DGKQ: variants seen among roughly 807,000 people sequenced by gnomAD.
The protein encoded by DGKQ is diacylglycerol kinase theta, also known as DAG kinase theta.
A neutral mutation model predicts 104.2 loss-of-function variants in DGKQ; 97 were observed. The ratio of observed to expected loss-of-function variants is 0.93; its 90% CI spans 0.79 to 1.10. The LOEUF is 1.10. Among genes scored for constraint, DGKQ ranks in the 50% least tolerant of loss-of-function variants. DGKQ has a pLI of 0.00. For missense variants in DGKQ, 1,465 were observed against 1,352.1 expected (o/e 1.08, Z -1.31); for synonymous variants, 736 against 595.2 (o/e 1.24, Z -3.44).
chr4:961,334 G>A lies in DGKQ; in HGVS notation c.2574+133C>T, dbSNP rs186734171. On this transcript the variant is annotated intron_variant, in intron 21 of 22. Transcript: ENST00000273814. ...CTGGACCTGGCCCTGGGGCGGGAGA[G>A]GCCAGCCGGGCTCAGCGGGGACCGG... 4.9e-3 allele frequency: 6,231 copies of A among 1,269,224 alleles called. 276 individuals are homozygous for A. In the African/African-American group the frequency reaches 0.089, roughly 18 times the overall value. 78.6% of individuals were successfully genotyped at this position (1,269,224 alleles called of 1,614,324 possible). A position where few individuals can be genotyped will look rare whatever the true frequency, so the allele number is the denominator to read the frequency against.
At position 966,492 on chromosome 4, in the gene DGKQ, G is replaced by A. The variant is rs1278381480; in HGVS notation, c.1402C>T (p.Leu468=). ...TGCCGGATGTCCTGTAGCCGGTCCA[G>A]CAGGGGCTGTTCGTCCATCAGCATC... ...RTMLMDEQPL[L]DRLQDIRQMS... Residue 468 remains leucine, a synonymous_variant, in exon 12 of 23, where the codon CTG becomes TTG. Transcript: ENST00000273814. The A allele has an allele frequency of 1.4e-5, 23 of 1,612,596 alleles. No homozygotes were observed. Among genetic ancestry groups the A allele is most frequent in the Non-Finnish European group, 1.9e-5 (22 of 1,179,732 alleles).
At chr4:962,283 T>C in intron 18 of DGKQ, 152 bp downstream of exon 18, 2 of 958,160 alleles carry the variant, frequency 2.1e-6, no homozygotes, top group Non-Finnish European at 3.1e-6. Flanking sequence ...CAGTGGCTAC[T>C]TTCTGTGTCT....
intron 17 of DGKQ, 34 bp downstream of exon 17, chr4:962,738 G>A (rs1162649318): frequency 6.3e-7 from 1 of 1,599,126 alleles, no homozygotes; most frequent in South Asian, 1.1e-5. Context: ...GGTAGACCCT[G>A]AGGCCCCCTC....
In DGKQ at chr4:967,050, C is replaced by T; in HGVS notation, c.1225G>A (p.Gly409Ser). 6.4e-7 allele frequency: 1 copy of T among 1,555,700 alleles called. No homozygotes were observed. Reference sequence around the variant, plus strand: ...ACTCGCACGGACACGTAGGCCACGCCCACCCTGTGGGGACACAGTCTGAGC... The same window carrying T: ...ACTCGCACGGACACGTAGGCCACGCTCACCCTGTGGGGACACAGTCTGAGC... Reference protein sequence around the residue: ...LKIYPGWLKVGVAYVSVRVTP... With the variant: ...LKIYPGWLKVSVAYVSVRVTP... The change falls in exon 10 of 23, where the codon GGC becomes AGC. Residue 409 changes from glycine to serine, a missense_variant. Gly to Ser is a moderately conservative substitution (Grantham distance 56). Transcript: ENST00000273814.
rs371046693 is a variant in DGKQ, at chr4:962,570, G to A, written c.2079C>T (p.Ser693=). ...GCAGTACGGAGAACGGGTCCTCGCC[G>A]CTGTAGCCCGCCCCCCAGCGGAGGA... ...GRVLRWGAGY[S]GEDPFSVLLS... is the part of the protein sequence containing the mutation. The change falls in exon 18 of 23, where the codon AGC becomes AGT. Residue 693 remains serine (S), a synonymous_variant. Coordinates refer to ENST00000273814, the MANE Select transcript of DGKQ (RefSeq NM_001347.4). 2.2e-5 allele frequency: 36 copies of A among 1,609,560 alleles called. No homozygotes were observed. The highest frequency in any genetic ancestry group is 1.6e-4 in the Middle Eastern group (1 of 6,084).
chr4:965,859 G>A, intron 13 of DGKQ, 69 bp downstream of exon 13: 2 of 1,472,606 alleles, frequency 1.4e-6, no homozygotes. Context: ...GCTCAGCACT[G>A]CAGCCCCACT....
rs748118565 is a variant in DGKQ, at chr4:971,216, C to T, written c.272-144G>A. The T allele has an allele frequency of 3.3e-5, 21 of 626,904 alleles. No homozygotes were observed. Among genetic ancestry groups the T allele is most frequent in the Non-Finnish European group, 5.7e-5 (20 of 351,972 alleles). 38.8% of individuals were successfully genotyped at this position (626,904 alleles called of 1,614,324 possible). On this transcript the variant is annotated intron_variant, in intron 1 of 22. Transcript: ENST00000273814. The surrounding 1 kb of genome is among the most constrained non-coding windows in gnomAD (Gnocchi z 4.0). ...GTGGTCCTCGAGTTCCCCCACCACC[C>T]TGCCCACTCATTGGAGAGAGCCTGC...
intron 10 of DGKQ, 78 bp downstream of exon 10, chr4:966,886 G>A (rs1208376179): frequency 1.9e-6 from 3 of 1,554,542 alleles, no homozygotes; most frequent in South Asian, 1.2e-5. Context: ...CCTGGGCTGG[G>A]ATGGTGGCCT....
At position 973,324 on chromosome 4, in the gene DGKQ, C is replaced by CG. The variant is rs1713089880; in HGVS notation, c.158dup (p.Ala56ArgfsTer43). ...TGTGTCCCGGCGCGGCAGCGGGGCC[C>CG]GGGGCTCTGACGCCCGCCCGCTCGG... On this transcript the variant is annotated frameshift_variant, in exon 1 of 23. Transcript: ENST00000273814. LOFTEE classifies it high-confidence loss of function. 2.8e-6 allele frequency: 4 copies of CG among 1,445,190 alleles called. No homozygotes were observed. Among genetic ancestry groups the CG allele is most frequent in the Non-Finnish European group, 3.7e-6 (4 of 1,093,324 alleles). 89.5% of individuals were successfully genotyped at this position (1,445,190 alleles called of 1,614,324 possible).
intron 15 of DGKQ, 31 bp downstream of exon 15, chr4:965,145 G>A: frequency 6.3e-7 from 1 of 1,591,846 alleles, no homozygotes; most frequent in African/African-American, 1.3e-5. Flanking sequence ...CCCCTGGGGT[G>A]TGTGAAGAGC....
chr4:963,779 G>A (rs911251678), intron 15 of DGKQ, among the ~76,000 whole-genome samples: 49 of 152,240 alleles, frequency 3.2e-4, no homozygotes, highest in Admixed American at 5.9e-4. Context: ...GGCACGCGGC[G>A]TCCCTCGACC....
intron 2 of DGKQ, among the ~76,000 whole-genome samples, chr4:970,165 A>C (rs920104427): frequency 6.6e-6 from 1 of 152,142 alleles, no homozygotes; most frequent in African/African-American, 2.4e-5. Context: ...CAGACATTAG[A>C]GGGGACGGCG....
At position 967,862 on chromosome 4, in the gene DGKQ, G is replaced by C. The variant is rs768630297; in HGVS notation, c.811+18C>G. The C allele has an allele frequency of 1.1e-5, 16 of 1,476,220 alleles. No homozygotes were observed. The highest frequency in any genetic ancestry group is 1.3e-5 in the Non-Finnish European group (15 of 1,117,556). 91.4% of individuals were successfully genotyped at this position (1,476,220 alleles called of 1,614,324 possible). On this transcript the variant is annotated intron_variant, in intron 6 of 22. Transcript: ENST00000273814. ...CGCAGCCCCCAGCCCAGGGCGCCCC[G>C]GCCGGCCCGCACCTCACCCGGCTCC...
In DGKQ at chr4:966,471, G is replaced by C; in HGVS notation, c.1423C>G (p.Arg475Gly). The change falls in exon 12 of 23, where the codon CGG becomes GGG. Residue 475 changes from arginine to glycine, a missense_variant. Coordinates refer to ENST00000273814, the MANE Select transcript of DGKQ (RefSeq NM_001347.4). Reference sequence around the variant, plus strand: ...CGGCGTCCACACCCACTCACCTGCCGGATGTCCTGTAGCCGGTCCAGCAGG... The same window carrying C: ...CGGCGTCCACACCCACTCACCTGCCCGATGTCCTGTAGCCGGTCCAGCAGG... ...QPLLDRLQDI[R>G]QMSVRQVSQT... 6.2e-7 allele frequency: 1 copy of C among 1,612,380 alleles called. No homozygotes were observed. Among genetic ancestry groups the C allele is most frequent in the Non-Finnish European group, 8.5e-7 (1 of 1,179,656 alleles).
chr4:968,069 T>A (rs1015597312), intron 5 of DGKQ, 42 bp from the exon 6 acceptor site: 2 of 1,340,910 alleles, frequency 1.5e-6, no homozygotes, highest in Non-Finnish European at 1.9e-6. Flanking sequence ...GGAGCCAGGG[T>A]GCGGGGGCAC....
chr4:969,729 C>A (rs1712777786), intron 2 of DGKQ, among the ~76,000 whole-genome samples: 1 of 151,852 alleles, frequency 6.6e-6, no homozygotes, highest in African/African-American at 2.4e-5. Context: ...CCTGCCTCAG[C>A]CTCCCGAGTA....
At position 971,519 on chromosome 4, in the gene DGKQ, T is replaced by C. The variant is rs1490359042; in HGVS notation, c.272-447A>G. On this transcript the variant is annotated intron_variant, in intron 1 of 22. Transcript: ENST00000273814. The surrounding 1 kb of genome is among the most constrained non-coding windows in gnomAD (Gnocchi z 4.0). ...CCCTAATTGTCCCTGCTACGTGCTGTGCACCGTGCCTGAGACCGAGAGCCA... is the reference window on the plus strand; with the variant it reads ...CCCTAATTGTCCCTGCTACGTGCTGCGCACCGTGCCTGAGACCGAGAGCCA... Among the ~76,000 whole-genome samples the C allele has an allele frequency of 6.6e-6, 1 of 152,150 alleles. No homozygotes were observed. The highest frequency in any genetic ancestry group is 2.4e-5 in the African/African-American group (1 of 41,438).
intron 1 of DGKQ, among the ~76,000 whole-genome samples, chr4:972,368 C>T (rs998376110): frequency 6.6e-6 from 1 of 152,186 alleles, no homozygotes; most frequent in African/African-American, 2.4e-5. Flanking sequence ...ACAACCATGC[C>T]GTTTCCACCA....
intron 8 of DGKQ, 71 bp downstream of exon 8, chr4:967,478 G>T: frequency 6.5e-7 from 1 of 1,527,914 alleles, no homozygotes; most frequent in Non-Finnish European, 8.9e-7. Flanking sequence ...GGGGAGCCAG[G>T]TCAGGTGCGC....
Sources: allele counts gnomAD v4.1 joint callset (sites outside exome capture counted in the v4.1 genomes callset), GRCh38; gene constraint gnomAD v4.1.1; non-coding constraint Gnocchi (gnomAD v3.1); transcripts MANE v1.5; gene names NCBI Gene and HGNC (gene_info 2026-07-23, HGNC 2026-07-21).